Variants in LZTS1 observed in about 807,000 individuals in gnomAD.
LZTS1 encodes the protein leucine zipper tumor suppressor 1, also known as leucine zipper putative tumor suppressor 1.
A neutral mutation model predicts 45.8 loss-of-function variants in LZTS1; 31 were observed. The observed-to-expected ratio is 0.68, with a 90% CI of 0.51 to 0.91. The LOEUF (loss-of-function observed/expected upper bound fraction) is 0.91. LZTS1 is among the 40% of genes least tolerant of loss of function. The pLI is 0.00. For missense variants in LZTS1, 821 were observed against 788.9 expected (o/e 1.04, Z -0.49); for synonymous variants, 359 against 357.3 (o/e 1.00, Z -0.05).
rs729359 is a variant in LZTS1, at chr8:20,272,972, C to G, written c.-134-17657G>C. Among the ~76,000 whole-genome samples the G allele has an allele frequency of 3.9e-5, 6 of 152,312 alleles. No individual in the cohort carries two copies. The East Asian group carries it at 1.2e-3, about 29-fold the overall frequency. On this transcript the variant is annotated intron_variant, in intron 1 of 3. Coordinates refer to ENST00000381569, the MANE Select transcript of LZTS1 (RefSeq NM_021020.5). ...ACTGTCTTTTTTCTCCCGTTCACAG[C>G]CAAGCTTCTCGAGAGAGACAGAACA...
chr8:20,270,030 T>C (rs1036161675), intron 1 of LZTS1, among the ~76,000 whole-genome samples: 3 of 152,256 alleles, frequency 2.0e-5, no homozygotes, highest in Non-Finnish European at 4.4e-5. Context: ...ACTCCATCTA[T>C]GCCTGAGGCC....
intron 1 of LZTS1, among the ~76,000 whole-genome samples, chr8:20,280,204 G>GC (rs1800660894): frequency 6.6e-6 from 1 of 152,102 alleles, no homozygotes; most frequent in Non-Finnish European, 1.5e-5. Context: ...CGAAGAATCG[G>GC]CCCTGATCTT....
At chr8:20,292,253 C>G (rs1380827482) in intron 1 of LZTS1, among the ~76,000 whole-genome samples, 1 of 152,162 alleles carries the variant, frequency 6.6e-6, no homozygotes, top group Non-Finnish European at 1.5e-5. Flanking sequence ...GAGGGATGTC[C>G]CACCTCTTCT....
chr8:20,303,770 C>G lies in LZTS1; in HGVS notation c.-165G>C. On this transcript the variant is annotated 5_prime_UTR_variant, in exon 1 of 4. Coordinates refer to ENST00000381569, the MANE Select transcript of LZTS1 (RefSeq NM_021020.5). ...CCCTGCGCCTCGGGCGCACTTGAGACTTTTTTTTTTTCCCAGTGTTTCCCG... is the reference window on the plus strand; with the variant it reads ...CCCTGCGCCTCGGGCGCACTTGAGAGTTTTTTTTTTTCCCAGTGTTTCCCG... The G allele has an allele frequency of 2.5e-6, 2 of 795,836 alleles. No individual in the cohort carries two copies. The highest frequency in any genetic ancestry group is 3.0e-6 in the Non-Finnish European group (2 of 658,838). 49.3% of individuals were successfully genotyped at this position (795,836 alleles called of 1,614,324 possible). A position where few individuals can be genotyped will look rare whatever the true frequency, so the allele number is the denominator to read the frequency against.
chr8:20,256,248 G>A (rs1005138453), intron 1 of LZTS1, among the ~76,000 whole-genome samples: 1 of 152,212 alleles, frequency 6.6e-6, no homozygotes, highest in African/African-American at 2.4e-5. Flanking sequence ...AATTAGCAAG[G>A]CTGGGAAGGA....
At chr8:20,251,149 A>ATATAT (rs1563851089) in intron 3 of LZTS1, among the ~76,000 whole-genome samples, 14 of 100,198 alleles carry the variant, frequency 1.4e-4, no homozygotes, top group East Asian at 2.7e-4. Flanking sequence ...ATATATATAT[A>ATATAT]AAATATAAAG....
intron 1 of LZTS1, among the ~76,000 whole-genome samples, chr8:20,303,276 C>CACAG (rs2128900591): frequency 6.6e-6 from 1 of 152,256 alleles, no homozygotes; most frequent in Admixed American, 6.5e-5. Flanking sequence ...CCGGTGTGGA[C>CACAG]ACAGCTCATC....
At position 20,253,478 on chromosome 8, in the gene LZTS1, G is replaced by T. The variant is rs761449981; in HGVS notation, c.453C>A (p.Pro151=). Residue 151 remains proline, a synonymous_variant, in exon 3 of 4, where the codon CCC becomes CCA. Coordinates refer to ENST00000381569, the MANE Select transcript of LZTS1 (RefSeq NM_021020.5). ...SPESASHQLH[P]APPDKPKEQE... ...GCTCCTTGGGCTTGTCTGGAGGGGCGGGGTGCAGCTGGTGGCTGGCACTCT... is the reference window on the plus strand; with the variant it reads ...GCTCCTTGGGCTTGTCTGGAGGGGCTGGGTGCAGCTGGTGGCTGGCACTCT... 3.7e-6 allele frequency: 6 copies of T among 1,602,330 alleles called. No individual in the cohort carries two copies. Among genetic ancestry groups the T allele is most frequent in the African/African-American group, 1.3e-5 (1 of 74,802 alleles).
intron 1 of LZTS1, among the ~76,000 whole-genome samples, chr8:20,283,462 G>C (rs917855842): frequency 1.3e-5 from 2 of 152,152 alleles, no homozygotes; most frequent in African/African-American, 4.8e-5. Flanking sequence ...CCAGAACTGT[G>C]AGAAATACAT....
chr8:20,255,399 T>A, intron 1 of LZTS1, 84 bp from the exon 2 acceptor site: 1 of 968,018 alleles, frequency 1.0e-6, no homozygotes, highest in Non-Finnish European at 1.5e-6. Context: ...ATCTGGGCAG[T>A]AGAGAAACAC....
chr8:20,271,837 G>C (rs376823077), intron 1 of LZTS1, among the ~76,000 whole-genome samples: 11 of 152,208 alleles, frequency 7.2e-5, no homozygotes, highest in African/African-American at 2.2e-4. Flanking sequence ...GTGCACAGCG[G>C]CTGCTGGACA....
At chr8:20,260,549 G>A (rs1006982879) in intron 1 of LZTS1, among the ~76,000 whole-genome samples, 1 of 152,198 alleles carries the variant, frequency 6.6e-6, no homozygotes, top group African/African-American at 2.4e-5. Flanking sequence ...AGAGATGTTA[G>A]GGTTTCTGTC....
At chr8:20,296,063 T>A (rs1486159211) in intron 1 of LZTS1, among the ~76,000 whole-genome samples, 1 of 152,162 alleles carries the variant, frequency 6.6e-6, no homozygotes, top group Non-Finnish European at 1.5e-5. Context: ...GAATAATGAC[T>A]AAGGTGGTGG....
At chr8:20,272,287 G>A (rs1183736105) in intron 1 of LZTS1, among the ~76,000 whole-genome samples, 1 of 152,062 alleles carries the variant, frequency 6.6e-6, no homozygotes, top group Non-Finnish European at 1.5e-5. Context: ...ACTCTGGGTC[G>A]CATCTGACCT....
At chr8:20,274,961 C>CTG (rs34482608) in intron 1 of LZTS1, among the ~76,000 whole-genome samples, 193 of 125,744 alleles carry the variant, frequency 1.5e-3, no homozygotes, top group African/African-American at 4.8e-3. Context: ...TGCCATGATA[C>CTG]TGTGTGTGTG....
At chr8:20,277,398 G>C (rs1463589504) in intron 1 of LZTS1, among the ~76,000 whole-genome samples, 1 of 152,124 alleles carries the variant, frequency 6.6e-6, no homozygotes, top group Admixed American at 6.6e-5. Flanking sequence ...ATAACTATAA[G>C]TATATTCAGC....
chr8:20,281,924 G>T (rs971502864), intron 1 of LZTS1, among the ~76,000 whole-genome samples: 1 of 152,184 alleles, frequency 6.6e-6, no homozygotes, highest in Non-Finnish European at 1.5e-5. Flanking sequence ...GTTGGTGGAA[G>T]GATGGAGCTA....
rs372948969 is a variant in LZTS1 at position 20,276,231 on chromosome 8, G to GAGA, written c.-134-20917_-134-20916insTCT. Among the ~76,000 whole-genome samples, 26 of 72,788 alleles carry GAGA rather than the reference G, an allele frequency of 3.6e-4. 1 individual carries two copies. In the East Asian group the frequency reaches 0.023, roughly 63 times the overall value. The allele number at this position is 72,788 out of a possible 152,430, so 47.8% of individuals were successfully genotyped here. ...ATTTCCTGGCATCCTAAAATCCTTA[G>GAGA]AGTCTCCAGAGTGATTTTTTTTTTT... On this transcript the variant is annotated intron_variant, in intron 1 of 3. Transcript: ENST00000381569.
intron 1 of LZTS1, among the ~76,000 whole-genome samples, chr8:20,290,977 T>C (rs1800891065): frequency 6.6e-6 from 1 of 152,196 alleles, no homozygotes; most frequent in African/African-American, 2.4e-5. Context: ...CCAGCTGACT[T>C]GGATGGCCTC....
Sources: gnomAD v4.1 joint callset for allele counts (sites outside exome capture counted in the v4.1 genomes callset) on GRCh38, gnomAD v4.1.1 for gene constraint, MANE v1.5 for transcripts, NCBI Gene and HGNC (gene_info 2026-07-23, HGNC 2026-07-21) for gene names.